WDR59: variants seen among roughly 807,000 people sequenced by gnomAD.
WDR59 encodes WD repeat domain 59.
In WDR59, 100 loss-of-function variants were observed where a neutral mutation model predicts 131.2. That is an observed-to-expected ratio of 0.76 (90% CI 0.65 to 0.90). The LOEUF (loss-of-function observed/expected upper bound fraction) is 0.90, where lower values mean the gene tolerates loss of function less well. Ranked by LOEUF, WDR59 falls within the 40% of genes least tolerant of loss-of-function variation. The pLI is 0.00. For missense variants in WDR59, 1,203 were observed against 1,262.2 expected, an observed-to-expected ratio of 0.95 and a Z score of 0.71; for synonymous variants, 601 against 466.2, an observed-to-expected ratio of 1.29 and a Z score of -3.72.
At chr16:74,920,512 T>C (rs1413497126) in intron 10 of WDR59, among the ~76,000 whole-genome samples, 1 of 152,182 alleles carries the variant, frequency 6.6e-6, no homozygotes, top group Non-Finnish European at 1.5e-5. Flanking sequence ...GAGATTCTCC[T>C]GCCTCAGCCT....
At chr16:74,952,445 C>CAAAAAAA (rs61448932) in intron 3 of WDR59, among the ~76,000 whole-genome samples, 25 of 62,592 alleles carry the variant, frequency 4.0e-4, no homozygotes, top group African/African-American at 5.7e-4. Flanking sequence ...CCATCTCAAA[C>CAAAAAAA]AAAAAAAAAA....
Position 74,904,033 on chromosome 16 carries a change from G to C in WDR59, c.1780C>G (p.Pro594Ala), listed in dbSNP as rs1294846038. Residue 594 changes from proline (P) to alanine (A), a missense_variant, in exon 18 of 26, where the codon CCT becomes GCT. Coordinates refer to ENST00000262144, the MANE Select transcript of WDR59 (RefSeq NM_030581.4). Reference sequence around the variant, plus strand: ...CCACTGTATAAACGAAGGTTCCCAGGGGCCTCTGTGCGGATCTTCATGGGC... The same window carrying C: ...CCACTGTATAAACGAAGGTTCCCAGCGGCCTCTGTGCGGATCTTCATGGGC... ...IAPMKIRTEA[P>A]GNLRLYSGSP... The C allele has an allele frequency of 6.2e-7, 1 of 1,613,024 alleles. No individual in the cohort carries two copies. The highest frequency in any genetic ancestry group is 8.5e-7 in the Non-Finnish European group (1 of 1,179,772).
Position 74,874,050 on chromosome 16 carries a change from G to A in WDR59, c.*159C>T, listed in dbSNP as rs1964083996. On this transcript the variant is annotated 3_prime_UTR_variant, in exon 26 of 26. Transcript: ENST00000262144. ...AGGTGGCCAAACAGAAGAGAAGGCAGAGGCCCACCAAGAGCTGATGCTGCG... is the reference window on the plus strand; with the variant it reads ...AGGTGGCCAAACAGAAGAGAAGGCAAAGGCCCACCAAGAGCTGATGCTGCG... 1 of 630,386 alleles carries A rather than the reference G, an allele frequency of 1.6e-6. No homozygotes were observed. Among genetic ancestry groups the A allele is most frequent in the Non-Finnish European group, 2.7e-6 (1 of 364,082 alleles). The allele number at this position is 630,386 out of a possible 1,614,324, so 39.0% of individuals were successfully genotyped here.
intron 1 of WDR59, among the ~76,000 whole-genome samples, chr16:74,982,170 T>A (rs1012483240): frequency 6.6e-6 from 1 of 151,250 alleles, no homozygotes; most frequent in Non-Finnish European, 1.5e-5. Context: ...ATTTAAAAGA[T>A]GTGGAGTGTT....
chr16:74,904,432 T>C lies in WDR59; in HGVS notation c.1713-332A>G, dbSNP rs151086120. On this transcript the variant is annotated intron_variant, in intron 17 of 25. Transcript: ENST00000262144. ...AATAAATATTTTAAAAGCTCATTTA[T>C]AGTAGCATTAAAACACGTCAAATAC... 6.7e-4 allele frequency: 158 copies of C among 236,786 alleles called. 1 individual carries two copies. Among genetic ancestry groups the C allele is most frequent in the African/African-American group, 3.4e-3 (147 of 42,768 alleles). 14.7% of individuals were successfully genotyped at this position (236,786 alleles called of 1,614,324 possible).
At chr16:74,962,674 G>C (rs2033611406) in intron 2 of WDR59, 1 of 152,066 alleles carries the variant, frequency 6.6e-6, no homozygotes, top group East Asian at 1.9e-4. Flanking sequence ...ATCAGCTTAA[G>C]AAGCTTTTGG....
At chr16:74,961,991 T>A (rs2033586777) in intron 2 of WDR59, among the ~76,000 whole-genome samples, 1 of 152,200 alleles carries the variant, frequency 6.6e-6, no homozygotes, top group Non-Finnish European at 1.5e-5. Context: ...GGGGTCCAGT[T>A]TCCATTTTCT....
rs551217179 is a variant in WDR59 at position 74,887,414 on chromosome 16, G to C, written c.2419+269C>G. 3.4e-4 allele frequency among the ~76,000 whole-genome samples: 51 copies of C among 152,200 alleles called. 2 individuals carry two copies. Among genetic ancestry groups the C allele is most frequent in the African/African-American group, 1.2e-3 (48 of 41,532 alleles). On this transcript the variant is annotated intron_variant, in intron 23 of 25. Transcript: ENST00000262144. ...GTGAAGGAGAAAGGATAAGGGTTAG[G>C]TTTTGGGGGTGAACAGTGGGAAGTC... is the stretch of plus-strand genomic sequence containing the variant.
At chr16:74,899,729 C>G (rs755856479) in intron 18 of WDR59, 2 of 1,289,138 alleles carry the variant, frequency 1.6e-6, no homozygotes, top group Non-Finnish European at 2.0e-6. Flanking sequence ...TATGGACCAA[C>G]GCCGCCGGGC....
chr16:74,939,854 C>G (rs1039485170), intron 7 of WDR59, among the ~76,000 whole-genome samples: 3 of 152,008 alleles, frequency 2.0e-5, no homozygotes, highest in Admixed American at 1.3e-4. Flanking sequence ...ATTACCTCAT[C>G]ATAGTGGTGC....
chr16:74,985,118 C>A lies in WDR59; in HGVS notation c.-101G>T. ...CCCCACACAGCCAGAGAATCAGCCC[C>A]GACACGCCCCGTGCCCTGGTTGCTC... On this transcript the variant is annotated 5_prime_UTR_variant, in exon 1 of 26. Transcript: ENST00000262144. 1 of 1,175,454 alleles carries A rather than the reference C, an allele frequency of 8.5e-7. No individual in the cohort carries two copies. Among genetic ancestry groups the A allele is most frequent in the African/African-American group, 1.5e-5 (1 of 65,850 alleles). 72.8% of individuals were successfully genotyped at this position (1,175,454 alleles called of 1,614,324 possible).
chr16:74,949,454 G>C (rs2032862561), intron 5 of WDR59, among the ~76,000 whole-genome samples: 1 of 144,780 alleles, frequency 6.9e-6, no homozygotes, highest in South Asian at 2.4e-4. Flanking sequence ...AGGAGGGAGG[G>C]AAGGAGAGAG....
intron 8 of WDR59, among the ~76,000 whole-genome samples, chr16:74,936,677 T>G (rs1013532420): frequency 6.6e-6 from 1 of 151,992 alleles, no homozygotes; most frequent in Non-Finnish European, 1.5e-5. Flanking sequence ...AATACAAAAA[T>G]TAGCCAGGCA....
chr16:74,944,641 G>A (rs992677538), intron 6 of WDR59, among the ~76,000 whole-genome samples: 12 of 152,058 alleles, frequency 7.9e-5, no homozygotes, highest in Admixed American at 4.6e-4. Flanking sequence ...GGCAGTACCC[G>A]AGGCTGTACC....
chr16:74,881,799 G>C (rs2144771222), intron 25 of WDR59, among the ~76,000 whole-genome samples: 1 of 151,244 alleles, frequency 6.6e-6, no homozygotes, highest in Admixed American at 6.6e-5. Flanking sequence ...CTTGAACCAA[G>C]GAGGGGGAGG....
intron 6 of WDR59, among the ~76,000 whole-genome samples, chr16:74,943,356 C>T (rs1411268262): frequency 1.3e-5 from 2 of 152,006 alleles, no homozygotes. Flanking sequence ...TTACATGCTC[C>T]CCGCACCCCA....
chr16:74,924,652 G>A lies in WDR59; in HGVS notation c.652-649C>T, dbSNP rs1034754427. Among the ~76,000 whole-genome samples, 13 of 152,338 alleles carry A rather than the reference G, an allele frequency of 8.5e-5. No individual in the cohort carries two copies. In the South Asian group the frequency reaches 1.4e-3, roughly 17 times the overall value. On this transcript the variant is annotated intron_variant, in intron 8 of 25. Coordinates refer to ENST00000262144, the MANE Select transcript of WDR59 (RefSeq NM_030581.4). ...CCTTAGAGACACCTATGCTTCTAACGTGAGAGACACATACGCTTAGAACTC... is the reference window on the plus strand; with the variant it reads ...CCTTAGAGACACCTATGCTTCTAACATGAGAGACACATACGCTTAGAACTC...
At chr16:74,882,765 G>A (rs1248517939) in intron 25 of WDR59, among the ~76,000 whole-genome samples, 11 of 124,158 alleles carry the variant, frequency 8.9e-5, no homozygotes, top group African/African-American at 1.2e-4. Flanking sequence ...AGCCGAGATC[G>A]CATGATTGCA....
At chr16:74,890,983 A>G (rs1443208281) in intron 20 of WDR59, among the ~76,000 whole-genome samples, 2 of 151,924 alleles carry the variant, frequency 1.3e-5, no homozygotes, top group Admixed American at 6.6e-5. Flanking sequence ...GCATGGTGGC[A>G]CACGCCTGTA....
Sources: allele counts gnomAD v4.1 joint callset (sites outside exome capture counted in the v4.1 genomes callset), GRCh38; gene constraint gnomAD v4.1.1; transcripts MANE v1.5; gene names NCBI Gene and HGNC (gene_info 2026-07-23, HGNC 2026-07-21).